Variants in MBTD1 observed in about 807,000 individuals in gnomAD.
MBTD1 encodes the protein MBT domain-containing protein 1.
Under a neutral mutation model 87.8 loss-of-function variants are expected in MBTD1, and 24 were observed. The observed-to-expected ratio is 0.27, with a 90% CI of 0.20 to 0.38. The LOEUF is 0.38. Ranked by LOEUF, MBTD1 falls within the 10% of genes least tolerant of loss-of-function variation. MBTD1 has a pLI of 1.00. For missense variants in MBTD1, 436 were observed against 760.2 expected (o/e 0.57, Z 5.02); for synonymous variants, 237 against 248.6 (o/e 0.95, Z 0.44).
rs199541369 is a variant in MBTD1 at position 51,231,451 on chromosome 17, TA to T, written c.-48-6243del. 7.7e-3 allele frequency among the ~76,000 whole-genome samples: 1,103 copies of T among 142,866 alleles called. 4 individuals carry two copies. The highest frequency in any genetic ancestry group is 0.039 in the Middle Eastern group (11 of 280). The allele number at this position is 142,866 out of a possible 152,430, so 93.7% of individuals were successfully genotyped here. A position where few individuals can be genotyped will look rare whatever the true frequency, so the allele number is the denominator to read the frequency against. ...TTACAAGCTGTTAGTATTTTTTTTT[TA>T]AAAGTACCATGGTCAAAGATGTTTG... On this transcript the variant is annotated intron_variant, in intron 2 of 16. Coordinates refer to ENST00000586178, the MANE Select transcript of MBTD1 (RefSeq NM_017643.3).
intron 2 of MBTD1, among the ~76,000 whole-genome samples, chr17:51,252,207 G>A (rs2054827449): frequency 6.6e-6 from 1 of 152,154 alleles, no homozygotes; most frequent in South Asian, 2.1e-4. Flanking sequence ...TTTTACAGGA[G>A]GAAGCAGTGG....
rs115245815 is a variant in MBTD1, at chr17:51,181,090, C to T, written c.1769-396G>A. 4.6e-3 allele frequency among the ~76,000 whole-genome samples: 676 copies of T among 146,528 alleles called. 6 individuals carry two copies. The highest frequency in any genetic ancestry group is 0.016 in the African/African-American group (640 of 39,448). On this transcript the variant is annotated intron_variant, in intron 16 of 16. Transcript: ENST00000586178. ...AGGCTGGAGTGCAGTGGAGTGAACT[C>T]GGCTTACTGCAACCTCCGCTTCCCG...
At chr17:51,251,791 G>A (rs185228312) in intron 2 of MBTD1, 1 of 152,228 alleles carries the variant, frequency 6.6e-6, no homozygotes, top group Admixed American at 6.5e-5. Context: ...ACCTAATATT[G>A]GACTTGCTCT....
chr17:51,238,368 T>C (rs2053969782), intron 2 of MBTD1, among the ~76,000 whole-genome samples: 1 of 152,174 alleles, frequency 6.6e-6, no homozygotes, highest in East Asian at 1.9e-4. Flanking sequence ...TCTCAGGAGA[T>C]GATTAGAAGA....
chr17:51,209,114 C>T (rs577223499), intron 6 of MBTD1, among the ~76,000 whole-genome samples: 13 of 152,296 alleles, frequency 8.5e-5, no homozygotes, highest in Non-Finnish European at 1.2e-4. Flanking sequence ...TGAAATAACA[C>T]GGTAATTTCA....
intron 3 of MBTD1, among the ~76,000 whole-genome samples, chr17:51,222,881 A>G (rs2052992939): frequency 6.7e-6 from 1 of 150,314 alleles, no homozygotes; most frequent in Non-Finnish European, 1.5e-5. Context: ...GCTCACTGCA[A>G]CCTCTGCCTC....
chr17:51,195,101 C>T, intron 13 of MBTD1, 113 bp downstream of exon 13: 2 of 823,236 alleles, frequency 2.4e-6, no homozygotes, highest in Non-Finnish European at 3.7e-6. Flanking sequence ...TGTTTATCCA[C>T]ACACATTATA....
At chr17:51,237,547 C>T (rs78866419) in intron 2 of MBTD1, among the ~76,000 whole-genome samples, 1 of 152,056 alleles carries the variant, frequency 6.6e-6, no homozygotes, top group Non-Finnish European at 1.5e-5. Context: ...CAAAGATATA[C>T]AGATGGCAAG....
intron 16 of MBTD1, among the ~76,000 whole-genome samples, chr17:51,181,644 G>A (rs1194247237): frequency 6.6e-6 from 1 of 152,100 alleles, no homozygotes; most frequent in Non-Finnish European, 1.5e-5. Flanking sequence ...GTGGCAGAGT[G>A]AGACCCTGTG....
At chr17:51,251,534 T>G (rs1018016238) in intron 2 of MBTD1, 1 of 152,146 alleles carries the variant, frequency 6.6e-6, no homozygotes, top group Non-Finnish European at 1.5e-5. Context: ...TTTCTGAGAG[T>G]GGATCTTTGT....
rs553435193 is a variant in MBTD1, at chr17:51,248,311, G to A, written c.-49+10832C>T. Among the ~76,000 whole-genome samples, 5 of 152,262 alleles carry A rather than the reference G, an allele frequency of 3.3e-5. No individual in the cohort carries two copies. In the East Asian group the frequency reaches 9.6e-4, roughly 29 times the overall value. On this transcript the variant is annotated intron_variant, in intron 2 of 16. Coordinates refer to ENST00000586178, the MANE Select transcript of MBTD1 (RefSeq NM_017643.3). ...TGGGAATTTATTTTCATTTATGTAA[G>A]TGTTTAGGGCTATGAATTTTCCTCT...
At chr17:51,248,654 T>A (rs1279694058) in intron 2 of MBTD1, among the ~76,000 whole-genome samples, 2 of 152,214 alleles carry the variant, frequency 1.3e-5, no homozygotes, top group African/African-American at 2.4e-5. Context: ...TTTCTTCCAG[T>A]CAGCATAGTG....
At position 51,220,399 on chromosome 17, in the gene MBTD1, G is replaced by A. The variant is rs948300612; in HGVS notation, c.219C>T (p.Phe73=). The A allele has an allele frequency of 1.3e-6, 2 of 1,550,346 alleles. No homozygotes were observed. Among genetic ancestry groups the A allele is most frequent in the Non-Finnish European group, 1.7e-6 (2 of 1,145,890 alleles). Residue 73 remains phenylalanine (F), a synonymous_variant, in exon 4 of 17, where the codon TTC becomes TTT. Coordinates refer to ENST00000586178, the MANE Select transcript of MBTD1 (RefSeq NM_017643.3). ...AACTTCTTGAACATGAAACGCTACA[G>A]AAACGCTTTGTTTTAGAGTAAAAAG... ...RDAFYSKTKR[F]CSVSCSRSYS...
At chr17:51,187,393 C>A (rs1465165914) in intron 16 of MBTD1, among the ~76,000 whole-genome samples, 2 of 138,358 alleles carry the variant, frequency 1.4e-5, no homozygotes, top group Non-Finnish European at 3.1e-5. Flanking sequence ...TAAAGTGAGA[C>A]CTTGTCTCAA....
rs1175161908 is a variant in MBTD1 at position 51,179,482 on chromosome 17, TTTTATATATA to T, written c.*1084_*1093del. ...AAATCCTGAATACAATTAAAGACAA[TTTTATATATA>T]TATATATATATATATATATATATAT... On this transcript the variant is annotated 3_prime_UTR_variant, in exon 17 of 17. Coordinates refer to ENST00000586178, the MANE Select transcript of MBTD1 (RefSeq NM_017643.3). 361 of 31,622 alleles carry T rather than the reference TTTTATATATA, an allele frequency of 0.011. 33 individuals carry two copies. The highest frequency in any genetic ancestry group is 0.036 in the African/African-American group (207 of 5,698). 2.0% of individuals were successfully genotyped at this position (31,622 alleles called of 1,614,324 possible). A position where few individuals can be genotyped will look rare whatever the true frequency, so the allele number is the denominator to read the frequency against.
intron 6 of MBTD1, among the ~76,000 whole-genome samples, chr17:51,214,159 G>A (rs72826476): frequency 6.6e-6 from 1 of 151,970 alleles, no homozygotes; most frequent in Admixed American, 6.6e-5. Context: ...TAGAGACAAG[G>A]TCTTGCTATG....
intron 16 of MBTD1, among the ~76,000 whole-genome samples, chr17:51,181,085 G>A (rs2050288698): frequency 6.9e-6 from 1 of 145,556 alleles, no homozygotes; most frequent in African/African-American, 2.6e-5. Flanking sequence ...GCAGTGGAGT[G>A]AACTCGGCTT....
chr17:51,237,399 C>A (rs1180839670), intron 2 of MBTD1, among the ~76,000 whole-genome samples: 4 of 150,280 alleles, frequency 2.7e-5, no homozygotes, highest in African/African-American at 9.8e-5. Context: ...GAGAATAAGA[C>A]AAGCACAGAC....
At chr17:51,232,775 T>C (rs1040059001) in intron 2 of MBTD1, among the ~76,000 whole-genome samples, 2 of 152,098 alleles carry the variant, frequency 1.3e-5, no homozygotes, top group African/African-American at 4.8e-5. Context: ...CAGTGGCTCA[T>C]GTCTATAATC....
Sources: gnomAD v4.1 joint callset for allele counts (sites outside exome capture counted in the v4.1 genomes callset) on GRCh38, gnomAD v4.1.1 for gene constraint, MANE v1.5 for transcripts, NCBI Gene and HGNC (gene_info 2026-07-23, HGNC 2026-07-21) for gene names.